Variants in CILK1 observed in about 807,000 individuals in gnomAD.
CILK1 encodes serine/threonine-protein kinase ICK.
In CILK1, 47 loss-of-function variants were observed where a neutral mutation model predicts 79.2. That is an observed-to-expected ratio of 0.59 (90% CI 0.47 to 0.76). The LOEUF (loss-of-function observed/expected upper bound fraction) is 0.76, where lower values mean the gene tolerates loss of function less well. Ranked by LOEUF, CILK1 falls within the 30% of genes least tolerant of loss-of-function variation. The pLI is 0.00. For missense variants in CILK1, 660 were observed against 769.5 expected (o/e 0.86, Z 1.68); for synonymous variants, 266 against 275.9 (o/e 0.96, Z 0.36).
intron 9 of CILK1, among the ~76,000 whole-genome samples, chr6:53,012,963 G>A (rs1764665206): frequency 1.3e-5 from 2 of 152,210 alleles, no homozygotes; most frequent in South Asian, 4.1e-4. Context: ...AGCCAAAGAG[G>A]AGCAGAAAGA....
chr6:53,028,471 A>C (rs1414615555), intron 5 of CILK1, among the ~76,000 whole-genome samples: 1 of 152,238 alleles, frequency 6.6e-6, no homozygotes, highest in East Asian at 1.9e-4. Context: ...GGGACCTTTC[A>C]CAGGTGTTTG....
At chr6:53,053,301 C>T (rs1017048013) in intron 1 of CILK1, among the ~76,000 whole-genome samples, 3 of 152,150 alleles carry the variant, frequency 2.0e-5, no homozygotes, top group African/African-American at 7.2e-5. Context: ...ATTTCTAACT[C>T]GCAGTATTTC....
chr6:53,018,537 C>A (rs774594302), intron 6 of CILK1, 36 bp from the exon 7 acceptor site: 4 of 1,592,538 alleles, frequency 2.5e-6, no homozygotes, highest in Non-Finnish European at 3.4e-6. Context: ...GCTATTGCTT[C>A]CACCACTCAG....
At chr6:53,055,641 T>C (rs934323039) in intron 1 of CILK1, among the ~76,000 whole-genome samples, 2 of 152,188 alleles carry the variant, frequency 1.3e-5, no homozygotes, top group African/African-American at 4.8e-5. Context: ...ACCATCCCTC[T>C]CCTCTTTCAA....
chr6:53,029,525 T>A (rs1765790683), intron 5 of CILK1, among the ~76,000 whole-genome samples: 1 of 152,202 alleles, frequency 6.6e-6, no homozygotes, highest in African/African-American at 2.4e-5. Flanking sequence ...AGTCTCTAAT[T>A]GTAAGCAGCT....
At chr6:53,060,399 G>C (rs1034777296) in intron 1 of CILK1, among the ~76,000 whole-genome samples, 12 of 152,144 alleles carry the variant, frequency 7.9e-5, no homozygotes, top group African/African-American at 2.9e-4. Flanking sequence ...GAAATGTGAC[G>C]GCCTCCCTGC....
At position 53,004,038 on chromosome 6, in the gene CILK1, A is replaced by C. The variant is rs1348334518; in HGVS notation, c.*1111T>G. ...CCAACAAATAAAGTTCTCACTCTTGAAAGAAACTACACCAGGGTTAGGAGA... is the reference window on the plus strand; with the variant it reads ...CCAACAAATAAAGTTCTCACTCTTGCAAGAAACTACACCAGGGTTAGGAGA... On this transcript the variant is annotated 3_prime_UTR_variant, in exon 14 of 14. Transcript: ENST00000676107. 1.3e-5 allele frequency: 2 copies of C among 152,678 alleles called. No homozygotes were observed. Among genetic ancestry groups the C allele is most frequent in the Non-Finnish European group, 2.9e-5 (2 of 68,042 alleles). The allele number at this position is 152,678 out of a possible 1,614,324, so 9.5% of individuals were successfully genotyped here.
intron 8 of CILK1, among the ~76,000 whole-genome samples, chr6:53,014,751 T>C (rs1483191079): frequency 2.6e-5 from 4 of 152,234 alleles, no homozygotes; most frequent in African/African-American, 4.8e-5. Context: ...GCATCTATTA[T>C]AACTTGAAAG....
intron 1 of CILK1, 129 bp from the exon 2 acceptor site, chr6:53,041,537 A>G (rs1766711083): frequency 2.6e-6 from 1 of 381,628 alleles, no homozygotes; most frequent in Non-Finnish European, 5.0e-6. Flanking sequence ...ATTCATGACT[A>G]CAACAGCAGA....
At chr6:53,015,417 C>T (rs574117601) in intron 8 of CILK1, among the ~76,000 whole-genome samples, 7 of 152,218 alleles carry the variant, frequency 4.6e-5, no homozygotes, top group Non-Finnish European at 1.0e-4. Flanking sequence ...GACCTGACTT[C>T]ATACTTCCGG....
At chr6:53,023,996 C>G (rs988288321) in intron 5 of CILK1, among the ~76,000 whole-genome samples, 1 of 152,158 alleles carries the variant, frequency 6.6e-6, no homozygotes. Flanking sequence ...CTTCCCACCA[C>G]GGGGTTGCTT....
At position 53,048,965 on chromosome 6, in the gene CILK1, G is replaced by A. The variant is rs573609588; in HGVS notation, c.-172-7557C>T. 4.6e-5 allele frequency among the ~76,000 whole-genome samples: 7 copies of A among 152,292 alleles called. No individual in the cohort carries two copies. The East Asian group carries it at 1.2e-3, about 25-fold the overall frequency. On this transcript the variant is annotated intron_variant, in intron 1 of 13. Coordinates refer to ENST00000676107, the MANE Select transcript of CILK1 (RefSeq NM_014920.5). The stretch of plus-strand genomic sequence containing the variant: ...TAATAAAGACAGTTGACAAAGAAGC[G>A]GCATTGAACATGGCTGTGTAAAGTG...
intron 10 of CILK1, 46 bp downstream of exon 10, chr6:53,011,991 T>A (rs764601411): frequency 2.5e-6 from 4 of 1,613,866 alleles, no homozygotes; most frequent in East Asian, 2.2e-5. Flanking sequence ...CATAATCTCA[T>A]GAATTCCAGA....
At chr6:53,025,352 T>C (rs1478959868) in intron 5 of CILK1, among the ~76,000 whole-genome samples, 1 of 152,168 alleles carries the variant, frequency 6.6e-6, no homozygotes. Context: ...AACTTGTGTC[T>C]TCTCTCTGCT....
At chr6:53,030,793 A>G (rs755445404) in intron 5 of CILK1, among the ~76,000 whole-genome samples, 25 of 152,230 alleles carry the variant, frequency 1.6e-4, no homozygotes, top group Non-Finnish European at 2.8e-4. Context: ...CATTTAACAT[A>G]CTACTCAATG....
chr6:53,029,732 A>T (rs769283354), intron 5 of CILK1, among the ~76,000 whole-genome samples: 10 of 152,232 alleles, frequency 6.6e-5, no homozygotes, highest in African/African-American at 2.4e-4. Context: ...TCTTAAAAAA[A>T]GTTTAAAAAT....
intron 1 of CILK1, among the ~76,000 whole-genome samples, chr6:53,047,534 C>T (rs982931177): frequency 1.1e-3 from 123 of 111,360 alleles, no homozygotes; most frequent in Admixed American, 2.0e-3. Context: ...TGGTCTTGAA[C>T]TTTTGGGCTC....
chr6:53,038,078 T>C (rs559868318), intron 2 of CILK1, 85 bp from the exon 3 acceptor site: 2 of 882,878 alleles, frequency 2.3e-6, no homozygotes, highest in Admixed American at 1.8e-5. Context: ...TCCATTCTGA[T>C]CCTAATTAAC....
chr6:53,009,969 G>A (rs1764469496), intron 11 of CILK1, among the ~76,000 whole-genome samples: 1 of 152,126 alleles, frequency 6.6e-6, no homozygotes, highest in African/African-American at 2.4e-5. Context: ...TGTCTCCAGA[G>A]TTCCATCTTC....
Sources: gnomAD v4.1 joint callset for allele counts (sites outside exome capture counted in the v4.1 genomes callset) on GRCh38, gnomAD v4.1.1 for gene constraint, MANE v1.5 for transcripts, NCBI Gene and HGNC (gene_info 2026-07-23, HGNC 2026-07-21) for gene names.